NALF1: variants seen among roughly 807,000 people sequenced by gnomAD.
The protein encoded by NALF1 is NALCN channel auxiliary factor 1, also known as family with sequence similarity 155 member A.
In NALF1, 3 loss-of-function variants were observed where a neutral mutation model predicts 48.4. The observed-to-expected ratio is 0.06, with a 90% CI of 0.03 to 0.16. The LOEUF (loss-of-function observed/expected upper bound fraction) is 0.16, where lower values mean the gene tolerates loss of function less well. Ranked by LOEUF, NALF1 falls within the 10% of genes least tolerant of loss-of-function variation. The pLI is 1.00. For missense variants in NALF1, 526 were observed against 571.5 expected (o/e 0.92, Z 0.81); for synonymous variants, 262 against 245.7 (o/e 1.07, Z -0.62).
At chr13:107,179,788 G>A (rs1217763352) in intron 2 of NALF1, among the ~76,000 whole-genome samples, 2 of 151,052 alleles carry the variant, frequency 1.3e-5, no homozygotes, top group African/African-American at 4.9e-5. Context: ...ATTCTTCCTG[G>A]GCCCTTCCCA....
intron 1 of NALF1, among the ~76,000 whole-genome samples, chr13:107,363,019 G>A (rs547698789): frequency 6.6e-6 from 1 of 152,136 alleles, no homozygotes; most frequent in South Asian, 2.1e-4. Flanking sequence ...TCTTAACCAG[G>A]AAACAACAGA....
At chr13:107,760,258 C>T (rs886599551) in intron 1 of NALF1, among the ~76,000 whole-genome samples, 5 of 151,936 alleles carry the variant, frequency 3.3e-5, no homozygotes, top group African/African-American at 9.7e-5. Flanking sequence ...GAACTCTGGA[C>T]GCCTAAGGAG....
intron 1 of NALF1, 136 bp downstream of exon 1, chr13:107,865,546 A>G: frequency 8.3e-7 from 1 of 1,198,826 alleles, no homozygotes; most frequent in Non-Finnish European, 1.2e-6. Context: ...ACAGCAAGCC[A>G]AGCTCTTAAT....
At chr13:107,839,275 T>C (rs745351743) in intron 1 of NALF1, among the ~76,000 whole-genome samples, 1 of 150,666 alleles carries the variant, frequency 6.6e-6, no homozygotes, top group Non-Finnish European at 1.5e-5. Context: ...ATTTAAGCAG[T>C]GTCCTAACAT....
chr13:107,531,009 G>A (rs1393775742), intron 1 of NALF1, among the ~76,000 whole-genome samples: 2 of 90,796 alleles, frequency 2.2e-5, no homozygotes, highest in African/African-American at 6.6e-5. Flanking sequence ...GCTGAACATT[G>A]TCATTCACAT....
At chr13:107,507,400 G>A (rs927419715) in intron 1 of NALF1, among the ~76,000 whole-genome samples, 2 of 151,766 alleles carry the variant, frequency 1.3e-5, no homozygotes, top group African/African-American at 4.8e-5. Flanking sequence ...GGAGATTCAT[G>A]TATTTTATAT....
At chr13:107,661,436 A>C (rs1880732219) in intron 1 of NALF1, among the ~76,000 whole-genome samples, 1 of 152,182 alleles carries the variant, frequency 6.6e-6, no homozygotes, top group Non-Finnish European at 1.5e-5. Context: ...GACATATTCA[A>C]GGATGTAGAG....
At chr13:107,475,005 G>A (rs1255921880) in intron 1 of NALF1, among the ~76,000 whole-genome samples, 2 of 152,164 alleles carry the variant, frequency 1.3e-5, no homozygotes, top group Non-Finnish European at 2.9e-5. Context: ...CATCTGCTAA[G>A]TGTCAAGTGG....
chr13:107,574,381 C>T (rs772711434), intron 1 of NALF1, among the ~76,000 whole-genome samples: 5 of 152,068 alleles, frequency 3.3e-5, no homozygotes, highest in Non-Finnish European at 7.4e-5. Context: ...TTGTTTGTTG[C>T]CTATTTCTTC....
intron 1 of NALF1, among the ~76,000 whole-genome samples, chr13:107,602,879 T>C (rs1397453952): frequency 6.6e-6 from 1 of 152,176 alleles, no homozygotes. Context: ...TCCATATATG[T>C]ATATTTAAAA....
intron 1 of NALF1, among the ~76,000 whole-genome samples, chr13:107,613,066 C>T (rs1879282024): frequency 6.6e-6 from 1 of 151,564 alleles, no homozygotes; most frequent in African/African-American, 2.4e-5. Context: ...AGGGAGCAGC[C>T]ACAGGGATGG....
At chr13:107,295,526 C>A (rs146370264) in intron 1 of NALF1, among the ~76,000 whole-genome samples, 1 of 152,268 alleles carries the variant, frequency 6.6e-6, no homozygotes, top group East Asian at 1.9e-4. Context: ...GTCTTCCCTC[C>A]CAATAACATC....
At chr13:107,814,259 G>A (rs55814421) in intron 1 of NALF1, among the ~76,000 whole-genome samples, 5 of 152,026 alleles carry the variant, frequency 3.3e-5, no homozygotes, top group African/African-American at 9.7e-5. Context: ...GTAAGAAGAG[G>A]TATTTTTAGA....
In NALF1 at chr13:107,866,007, C is replaced by A; in HGVS notation, c.590G>T (p.Arg197Leu). 6.2e-7 allele frequency: 1 copy of A among 1,612,172 alleles called. No individual in the cohort carries two copies. Among genetic ancestry groups the A allele is most frequent in the South Asian group, 1.1e-5 (1 of 91,074 alleles). Residue 197 changes from arginine (R) to leucine (L), a missense_variant, in exon 1 of 3, where the codon CGG (arginine) becomes CTG (leucine). Physicochemically the swap from Arg to Leu is moderately radical, Grantham distance 102 (BLOSUM62 -2). This residue lies in a region of NALF1 where 373 missense variants were observed against 355.5 expected (regional missense o/e 1.05). Coordinates refer to ENST00000375915, the MANE Select transcript of NALF1 (RefSeq NM_001080396.3). The surrounding 1 kb of genome is among the most constrained non-coding windows in gnomAD (Gnocchi z 4.4). ...CTGCCCGTCCCCCCCGGCCGCCCCCCGACTCCAGTTCCTGGCGCACACCGC... is the reference window on the plus strand; with the variant it reads ...CTGCCCGTCCCCCCCGGCCGCCCCCAGACTCCAGTTCCTGGCGCACACCGC... ...ADAVCARNWSRGAAGGDGQEV... is the reference protein window; with the variant it reads ...ADAVCARNWSLGAAGGDGQEV...
intron 1 of NALF1, among the ~76,000 whole-genome samples, chr13:107,650,586 G>C (rs1594184419): frequency 6.6e-6 from 1 of 151,836 alleles, no homozygotes; most frequent in Admixed American, 6.6e-5. Flanking sequence ...TTGGGGAGAA[G>C]AAGAGAGGGG....
intron 1 of NALF1, among the ~76,000 whole-genome samples, chr13:107,321,868 C>T (rs1882262172): frequency 1.3e-5 from 2 of 151,918 alleles, no homozygotes; most frequent in Non-Finnish European, 2.9e-5. Context: ...ATTCCAAAAC[C>T]TAAAAAAACG....
At chr13:107,474,106 A>G (rs1594082561) in intron 1 of NALF1, among the ~76,000 whole-genome samples, 1 of 152,284 alleles carries the variant, frequency 6.6e-6, no homozygotes, top group East Asian at 1.9e-4. Context: ...ACTTTTCTCA[A>G]TAAGAACATT....
intron 1 of NALF1, among the ~76,000 whole-genome samples, chr13:107,728,135 C>T (rs1876210310): frequency 6.6e-6 from 1 of 152,152 alleles, no homozygotes; most frequent in Non-Finnish European, 1.5e-5. Flanking sequence ...GGCAATTCCT[C>T]AAGGATCTAA....
At chr13:107,314,313 T>A (rs1882102332) in intron 1 of NALF1, among the ~76,000 whole-genome samples, 1 of 152,104 alleles carries the variant, frequency 6.6e-6, no homozygotes, top group Non-Finnish European at 1.5e-5. Context: ...AATAATCTCC[T>A]TCAAATGCGA....
Sources: allele counts gnomAD v4.1 joint callset (sites outside exome capture counted in the v4.1 genomes callset), GRCh38; gene constraint gnomAD v4.1.1; regional missense constraint gnomAD v4.1.1; non-coding constraint Gnocchi (gnomAD v3.1); transcripts MANE v1.5; gene names NCBI Gene and HGNC (gene_info 2026-07-23, HGNC 2026-07-21).